PDE1A: variants seen among roughly 807,000 people sequenced by gnomAD.
PDE1A encodes phosphodiesterase 1A.
Under a neutral mutation model 61.7 loss-of-function variants are expected in PDE1A, and 35 were observed. The ratio of observed to expected loss-of-function variants is 0.57; its 90% CI spans 0.43 to 0.75. The LOEUF (loss-of-function observed/expected upper bound fraction) is 0.75. Ranked by LOEUF, PDE1A falls within the 30% of genes least tolerant of loss-of-function variation. The probability of loss-of-function intolerance (pLI) is 0.00; values close to 1 mark genes in which losing one functional copy is unlikely to be tolerated. For synonymous variants in PDE1A, 232 were observed against 213.2 expected (o/e 1.09, Z -0.77); for missense variants, 597 against 630.6 (o/e 0.95, Z 0.57).
chr2:182,644,291 GTGTGTGTGTC>G, the PDE1A span, among the ~76,000 whole-genome samples: 1 of 148,854 alleles, frequency 6.7e-6, no homozygotes, highest in South Asian at 2.2e-4. Context: ...GTGTGTGTGT[GTGTGTGTGTC>G]TGTGTGTGTC....
the PDE1A span, among the ~76,000 whole-genome samples, chr2:182,604,781 G>A: frequency 4.9e-4 from 75 of 152,214 alleles, no homozygotes; most frequent in Non-Finnish European, 8.4e-4. Context: ...ACCCAAGACA[G>A]TTTTGAAAGC....
chr2:182,261,300 G>A (rs535080637), intron 2 of PDE1A, among the ~76,000 whole-genome samples: 4 of 152,108 alleles, frequency 2.6e-5, no homozygotes, highest in South Asian at 4.1e-4. Flanking sequence ...GTGTCAAACC[G>A]TTTCCCTTCT....
intron 1 of PDE1A, among the ~76,000 whole-genome samples, chr2:182,338,024 T>A (rs757059759): frequency 5.9e-5 from 9 of 152,212 alleles, no homozygotes; most frequent in Admixed American, 3.3e-4. Flanking sequence ...CAGCAAGACC[T>A]GCACACTATT....
intron 2 of PDE1A, among the ~76,000 whole-genome samples, chr2:182,445,843 C>A (rs1685096126): frequency 6.6e-6 from 1 of 152,048 alleles, no homozygotes; most frequent in East Asian, 1.9e-4. Flanking sequence ...GAAGTATGTT[C>A]TTTAACCCTC....
intron 13 of PDE1A, among the ~76,000 whole-genome samples, chr2:182,170,017 T>C (rs1316798415): frequency 6.6e-6 from 1 of 151,570 alleles, no homozygotes; most frequent in African/African-American, 2.4e-5. Flanking sequence ...TAAAATATCC[T>C]TAAGTTATGC....
At chr2:182,439,527 T>C (rs1370669) in intron 2 of PDE1A, among the ~76,000 whole-genome samples, 58,668 of 151,618 alleles carry the variant, frequency 0.39, 12,009 homozygotes, top group East Asian at 0.66. Context: ...GGGCGTCAAG[T>C]GGAAGAAAGA....
the PDE1A span, among the ~76,000 whole-genome samples, chr2:182,680,180 A>T: frequency 6.6e-6 from 1 of 152,132 alleles, no homozygotes; most frequent in East Asian, 1.9e-4. Context: ...ACCACAGGGC[A>T]TATAGGGGTC....
the PDE1A span, among the ~76,000 whole-genome samples, chr2:182,614,553 C>CTTTTTTTT: frequency 8.9e-6 from 1 of 112,616 alleles, no homozygotes; most frequent in Non-Finnish European, 1.8e-5. Flanking sequence ...ACTAGCATAT[C>CTTTTTTTT]TTTTTTTTTT....
chr2:182,178,003 TC>T (rs1318541810), intron 13 of PDE1A, among the ~76,000 whole-genome samples: 5 of 152,304 alleles, frequency 3.3e-5, no homozygotes, highest in African/African-American at 1.2e-4. Flanking sequence ...ATATTGTTTT[TC>T]ATTTCTCTTC....
At chr2:182,589,273 A>G in the PDE1A span, among the ~76,000 whole-genome samples, 1,062 of 18,984 alleles carry the variant, frequency 0.056, 6 homozygotes, top group East Asian at 0.42. Context: ...GGGAGGGAGG[A>G]AGGAAGGAAG....
intron 1 of PDE1A, among the ~76,000 whole-genome samples, chr2:182,303,999 C>A (rs1675969733): frequency 6.6e-6 from 1 of 152,124 alleles, no homozygotes; most frequent in Admixed American, 6.5e-5. Flanking sequence ...CTCCCAGGTT[C>A]AGGTGATTCT....
chr2:182,459,107 C>G (rs1168787907), intron 2 of PDE1A, among the ~76,000 whole-genome samples: 3 of 152,046 alleles, frequency 2.0e-5, no homozygotes, highest in Non-Finnish European at 1.5e-5. Context: ...TTTTATTCAT[C>G]TCTAAGATAA....
the PDE1A span, among the ~76,000 whole-genome samples, chr2:182,530,043 G>T: frequency 6.6e-6 from 1 of 152,140 alleles, no homozygotes; most frequent in Non-Finnish European, 1.5e-5. Flanking sequence ...GACGATTCCA[G>T]AATCAGTGGA....
the PDE1A span, among the ~76,000 whole-genome samples, chr2:182,577,079 TC>T: frequency 6.6e-6 from 1 of 152,232 alleles, no homozygotes; most frequent in Non-Finnish European, 1.5e-5. Flanking sequence ...GTTTTTAATT[TC>T]AATGTAGTTT....
chr2:182,257,162 T>C (rs891303314), intron 2 of PDE1A, among the ~76,000 whole-genome samples: 26 of 152,228 alleles, frequency 1.7e-4, no homozygotes, highest in Non-Finnish European at 8.8e-5. Flanking sequence ...GGTAGCTCCA[T>C]GCCTTGCCTT....
the PDE1A span, among the ~76,000 whole-genome samples, chr2:182,671,623 T>TG: frequency 2.1e-5 from 3 of 140,734 alleles, no homozygotes; most frequent in Non-Finnish European, 4.7e-5. Flanking sequence ...TTCTTTTTCT[T>TG]TTTTTTTTTT....
chr2:182,293,143 G>A (rs1694648063), intron 1 of PDE1A, among the ~76,000 whole-genome samples: 1 of 152,002 alleles, frequency 6.6e-6, no homozygotes, highest in South Asian at 2.1e-4. Flanking sequence ...CCACAGAATT[G>A]ACAGTCATCA....
chr2:182,252,689 G>A (rs1420004545), intron 2 of PDE1A, among the ~76,000 whole-genome samples: 1 of 152,166 alleles, frequency 6.6e-6, no homozygotes, highest in Admixed American at 6.5e-5. Context: ...AAGTTTCCAG[G>A]ATCCTGCAGC....
intron 2 of PDE1A, 31 bp downstream of exon 2, chr2:182,264,270 G>C: frequency 7.1e-7 from 1 of 1,410,638 alleles, no homozygotes; most frequent in Non-Finnish European, 9.9e-7. Flanking sequence ...GAGAATCAAA[G>C]AAGATAAAAG....
Sources: allele counts gnomAD v4.1 joint callset (sites outside exome capture counted in the v4.1 genomes callset), GRCh38; gene constraint gnomAD v4.1.1; transcripts MANE v1.5; gene names NCBI Gene and HGNC (gene_info 2026-07-23, HGNC 2026-07-21).